SEMA4F: variants seen among roughly 807,000 people sequenced by gnomAD.
The protein encoded by SEMA4F is semaphorin-4F.
SEMA4F carries 51 observed loss-of-function variants against 78.4 expected under a neutral mutation model. That is an observed-to-expected ratio of 0.65 (90% CI 0.52 to 0.82). The LOEUF is 0.82. Ranked by LOEUF, SEMA4F falls within the 40% of genes least tolerant of loss-of-function variation. The probability of loss-of-function intolerance (pLI) is 0.00; values close to 1 mark genes in which losing one functional copy is unlikely to be tolerated. For synonymous variants in SEMA4F, 418 were observed against 408.7 expected, an observed-to-expected ratio of 1.02 and a Z score of -0.27; for missense variants, 938 against 1,014.4, an observed-to-expected ratio of 0.92 and a Z score of 1.02.
In SEMA4F at chr2:74,658,050, C is replaced by A; in HGVS notation, c.456+99C>A. On this transcript the variant is annotated intron_variant, in intron 4 of 13. Coordinates refer to ENST00000357877, the MANE Select transcript of SEMA4F (RefSeq NM_004263.5). The surrounding 1 kb of genome is among the most constrained non-coding windows in gnomAD (Gnocchi z 4.3). ...ATGGGAAGGGTTTTCTGTGAGCGAC[C>A]ATGATGGGGGCATGGTCAAGGCAAC... 1 of 1,066,038 alleles carries A rather than the reference C, an allele frequency of 9.4e-7. No individual in the cohort carries two copies. Among genetic ancestry groups the A allele is most frequent in the Non-Finnish European group, 1.4e-6 (1 of 693,618 alleles). 66.0% of individuals were successfully genotyped at this position (1,066,038 alleles called of 1,614,324 possible).
chr2:74,707,617 A>C, the SEMA4F span, among the ~76,000 whole-genome samples: 1 of 152,144 alleles, frequency 6.6e-6, no homozygotes, highest in African/African-American at 2.4e-5. Flanking sequence ...AAACACAATA[A>C]AGATATATGA....
chr2:74,687,224 C>G (rs1685843401), downstream of SEMA4F, among the ~76,000 whole-genome samples: 1 of 152,232 alleles, frequency 6.6e-6, no homozygotes, highest in Non-Finnish European at 1.5e-5. Context: ...TTGTTCCCAA[C>G]TAGGGAGAAC....
intron 5 of SEMA4F, among the ~76,000 whole-genome samples, chr2:74,663,707 C>G (rs950391074): frequency 6.6e-6 from 1 of 152,156 alleles, no homozygotes; most frequent in Non-Finnish European, 1.5e-5. Context: ...TGAGAGCTCA[C>G]TCATTACTGC....
In SEMA4F at chr2:74,680,420, A is replaced by T; in HGVS notation, c.*211A>T. On this transcript the variant is annotated 3_prime_UTR_variant, in exon 14 of 14. Transcript: ENST00000357877. ...ATTCCTGATTCCCATGAGAAATCAGAACTGCTTTCTGCAGCAAATCAGGGC... is the reference window on the plus strand; with the variant it reads ...ATTCCTGATTCCCATGAGAAATCAGTACTGCTTTCTGCAGCAAATCAGGGC... 1.9e-6 allele frequency: 1 copy of T among 528,392 alleles called. No individual in the cohort carries two copies. 32.7% of individuals were successfully genotyped at this position (528,392 alleles called of 1,614,324 possible).
At chr2:74,670,065 G>A (rs1282765807) in intron 5 of SEMA4F, among the ~76,000 whole-genome samples, 1 of 152,150 alleles carries the variant, frequency 6.6e-6, no homozygotes, top group Non-Finnish European at 1.5e-5. Context: ...ATCACTGTGG[G>A]AATTACTCGC....
At chr2:74,670,033 A>G (rs1309923697) in intron 5 of SEMA4F, among the ~76,000 whole-genome samples, 1 of 152,148 alleles carries the variant, frequency 6.6e-6, no homozygotes, top group Non-Finnish European at 1.5e-5. Flanking sequence ...TGTGTTTTCT[A>G]ACCTGCTTGT....
At chr2:74,684,188 C>T (rs1308890164), downstream of SEMA4F, among the ~76,000 whole-genome samples, 2 of 151,342 alleles carry the variant, frequency 1.3e-5, no homozygotes, top group Non-Finnish European at 2.9e-5. Context: ...GGTAAACGTC[C>T]TTGGAAAAAA....
intron 4 of SEMA4F, among the ~76,000 whole-genome samples, chr2:74,661,210 A>G (rs866505243): frequency 6.6e-6 from 1 of 152,222 alleles, no homozygotes; most frequent in African/African-American, 2.4e-5. Flanking sequence ...CATAGAAAAC[A>G]TTATTTGTCT....
At chr2:74,695,537 T>G in the SEMA4F span, among the ~76,000 whole-genome samples, 1 of 152,194 alleles carries the variant, frequency 6.6e-6, no homozygotes, top group Non-Finnish European at 1.5e-5. Flanking sequence ...TCAACAGAAG[T>G]AAATCCAAAT....
the SEMA4F span, among the ~76,000 whole-genome samples, chr2:74,697,250 T>G: frequency 6.6e-6 from 1 of 152,208 alleles, no homozygotes; most frequent in Non-Finnish European, 1.5e-5. Flanking sequence ...TCCTGAGGCA[T>G]GCTGGGTGAC....
At position 74,674,538 on chromosome 2, in the gene SEMA4F, C is replaced by A; in HGVS notation, c.863C>A (p.Thr288Lys). 6.2e-7 allele frequency: 1 copy of A among 1,614,002 alleles called. No individual in the cohort carries two copies. Among genetic ancestry groups the A allele is most frequent in the Non-Finnish European group, 8.5e-7 (1 of 1,179,980 alleles). The change falls in exon 8 of 14, where the codon ACG becomes AAG. Residue 288 changes from threonine to lysine, a missense_variant. By Grantham distance (78) the Thr-to-Lys change is moderately conservative. Coordinates refer to ENST00000357877, the MANE Select transcript of SEMA4F (RefSeq NM_004263.5). ...GGRKTLQQRW[T>K]TFLKADLLCP... Reference sequence around the variant, plus strand: ...CGGAAGACCCTCCAGCAGAGATGGACGACGTTTTTGAAAGCTGACCTGCTC... The same window carrying A: ...CGGAAGACCCTCCAGCAGAGATGGAAGACGTTTTTGAAAGCTGACCTGCTC...
In SEMA4F at chr2:74,680,070, G is replaced by T. The variant is rs373277680; in HGVS notation, c.2174G>T (p.Arg725Leu). ...CCCTCCCCCTCTCCTGAAGATGAGC[G>T]GTTGCCGCTGGCCCTGGCCAAGAGG... The part of the protein sequence containing the change: ...DPPSPSPEDE[R>L]LPLALAKRGS... The change falls in exon 14 of 14, where the codon CGG (arginine) becomes CTG (leucine). Residue 725 changes from arginine (R) to leucine (L), a missense_variant. Transcript: ENST00000357877. 5 of 1,613,994 alleles carry T rather than the reference G, an allele frequency of 3.1e-6. No individual in the cohort carries two copies. In the East Asian group the frequency reaches 6.7e-5, roughly 22 times the overall value.
intron 5 of SEMA4F, 46 bp downstream of exon 5, chr2:74,662,871 C>G (rs776320697): frequency 2.0e-5 from 28 of 1,419,710 alleles, no homozygotes; most frequent in Non-Finnish European, 2.7e-5. Flanking sequence ...CTAATTGCCT[C>G]CTTCCCCACC....
intron 4 of SEMA4F, among the ~76,000 whole-genome samples, chr2:74,661,397 G>GT (rs1226521032): frequency 6.6e-6 from 1 of 152,206 alleles, no homozygotes; most frequent in African/African-American, 2.4e-5. Context: ...TTAATCTTGG[G>GT]TGGGTATTAG....
the SEMA4F span, among the ~76,000 whole-genome samples, chr2:74,708,590 T>A: frequency 1.3e-5 from 2 of 152,164 alleles, no homozygotes; most frequent in African/African-American, 2.4e-5. Flanking sequence ...ACTGGCACAG[T>A]GTCAGACAGG....
chr2:74,657,603 T>C lies in SEMA4F; in HGVS notation c.336T>C (p.Cys112=). The change falls in exon 3 of 14, where the codon TGT becomes TGC. Residue 112 remains cysteine, a synonymous_variant. Transcript: ENST00000357877. The part of the protein sequence containing the change: ...WMVPEAHRQN[C]RKKGKKEDEC... ...TTCCTGAGGCTCACAGACAGAACTG[T>C]AGGAAGAAAGGCAAGAAAGAGGTAG... 3 of 1,614,154 alleles carry C rather than the reference T, an allele frequency of 1.9e-6. No homozygotes were observed. The highest frequency in any genetic ancestry group is 2.5e-6 in the Non-Finnish European group (3 of 1,180,004).
the SEMA4F span, among the ~76,000 whole-genome samples, chr2:74,693,513 A>G: frequency 6.6e-6 from 1 of 152,162 alleles, no homozygotes; most frequent in Non-Finnish European, 1.5e-5. Context: ...TTTTCTTTTA[A>G]GAGGATAGGA....
intron 13 of SEMA4F, 60 bp downstream of exon 13, chr2:74,679,394 G>A: frequency 6.6e-7 from 1 of 1,516,010 alleles, no homozygotes. Flanking sequence ...AGGGGCTAGA[G>A]AGTTGTTCAT....
At chr2:74,674,269 A>G (rs992468533) in intron 7 of SEMA4F, among the ~76,000 whole-genome samples, 2 of 152,182 alleles carry the variant, frequency 1.3e-5, no homozygotes, top group African/African-American at 2.4e-5. Flanking sequence ...AGCACTTTAT[A>G]AGGGCACAGT....
Sources: gnomAD v4.1 joint callset for allele counts (sites outside exome capture counted in the v4.1 genomes callset) on GRCh38, gnomAD v4.1.1 for gene constraint, Gnocchi (gnomAD v3.1) non-coding constraint, MANE v1.5 for transcripts, NCBI Gene and HGNC (gene_info 2026-07-23, HGNC 2026-07-21) for gene names.